Variants in GRTP1 observed in about 807,000 individuals in gnomAD.
GRTP1 encodes growth hormone regulated TBC protein 1.
A neutral mutation model predicts 38.1 loss-of-function variants in GRTP1; 56 were observed. The observed-to-expected ratio is 1.47, with a 90% CI of 1.19 to 1.84. The LOEUF is 1.84. Among genes scored for constraint, GRTP1 ranks in the 40% most tolerant of loss-of-function variants. GRTP1 has a pLI of 0.00. For synonymous variants in GRTP1, 217 were observed against 189.5 expected (o/e 1.14, Z -1.19); for missense variants, 506 against 453.9 (o/e 1.11, Z -1.04).
intron 5 of GRTP1, among the ~76,000 whole-genome samples, chr13:113,339,074 C>T (rs2042993940): frequency 6.6e-6 from 1 of 152,088 alleles, no homozygotes; most frequent in Non-Finnish European, 1.5e-5. Flanking sequence ...GCACCATGCC[C>T]AGCTAATTTT....
intron 5 of GRTP1, among the ~76,000 whole-genome samples, chr13:113,331,118 G>T (rs1250309550): frequency 1.3e-5 from 2 of 152,034 alleles, no homozygotes; most frequent in African/African-American, 4.8e-5. Context: ...GCCCGGGTGT[G>T]TGCACGAAAG....
chr13:113,348,055 C>T lies in GRTP1; in HGVS notation c.465+2794G>A, dbSNP rs1439796247. ...GGCCGAGTGGACCCGGGAGGATCTCCGTGGCTGAGAATGGACCCCTTTGAG... is the reference window on the plus strand; with the variant it reads ...GGCCGAGTGGACCCGGGAGGATCTCTGTGGCTGAGAATGGACCCCTTTGAG... On this transcript the variant is annotated intron_variant, in intron 4 of 7. Transcript: ENST00000375431. This position sits in a 1 kb window ranked among gnomAD's most constrained non-coding sequence, Gnocchi z 4.8. Among the ~76,000 whole-genome samples the T allele has an allele frequency of 2.6e-5, 4 of 151,604 alleles. No individual in the cohort carries two copies. Among genetic ancestry groups the T allele is most frequent in the African/African-American group, 4.8e-5 (2 of 41,266 alleles).
intron 5 of GRTP1, among the ~76,000 whole-genome samples, chr13:113,344,145 T>G (rs562354175): frequency 6.6e-6 from 1 of 152,220 alleles, no homozygotes. Context: ...CTCTTACTAG[T>G]ATTCACAAAC....
At chr13:113,352,378 T>TCA (rs2043303271) in intron 3 of GRTP1, among the ~76,000 whole-genome samples, 1 of 114,696 alleles carries the variant, frequency 8.7e-6, no homozygotes, top group African/African-American at 3.4e-5. Flanking sequence ...ATATATATAT[T>TCA]TATATATATA....
At chr13:113,352,292 TTA>T (rs1491072896) in intron 3 of GRTP1, among the ~76,000 whole-genome samples, 3 of 64,130 alleles carry the variant, frequency 4.7e-5, no homozygotes, top group East Asian at 1.1e-3. Flanking sequence ...TTATATATAT[TTA>T]TATATATTTT....
At chr13:113,346,318 A>G (rs1390514880) in intron 4 of GRTP1, among the ~76,000 whole-genome samples, 3 of 46,500 alleles carry the variant, frequency 6.5e-5, no homozygotes, top group African/African-American at 1.2e-4. Context: ...GGCAGAGAGC[A>G]GACCCGGGAG....
intron 3 of GRTP1, among the ~76,000 whole-genome samples, chr13:113,352,606 G>A (rs2139508748): frequency 6.6e-6 from 1 of 151,956 alleles, no homozygotes; most frequent in African/African-American, 2.4e-5. Context: ...GAACTCCTGA[G>A]CTCAACTAAT....
intron 5 of GRTP1, among the ~76,000 whole-genome samples, chr13:113,344,399 T>C (rs1375893998): frequency 6.6e-6 from 1 of 152,154 alleles, no homozygotes; most frequent in African/African-American, 2.4e-5. Flanking sequence ...CAACTCAATT[T>C]CAAAGAAATT....
At chr13:113,330,500 G>T (rs1201735342) in intron 5 of GRTP1, among the ~76,000 whole-genome samples, 1 of 143,578 alleles carries the variant, frequency 7.0e-6, no homozygotes, top group Non-Finnish European at 1.5e-5. Flanking sequence ...GCCCAGGTGT[G>T]TGCATGGGAG....
chr13:113,329,140 G>C (rs1249866917), intron 5 of GRTP1, among the ~76,000 whole-genome samples: 1 of 152,272 alleles, frequency 6.6e-6, no homozygotes, highest in Non-Finnish European at 1.5e-5. Context: ...TCTTCGGCCA[G>C]TCCCATGTAC....
intron 2 of GRTP1, 89 bp downstream of exon 2, chr13:113,363,673 C>T (rs2043542547): frequency 7.4e-7 from 1 of 1,350,716 alleles, no homozygotes; most frequent in Non-Finnish European, 1.0e-6. Flanking sequence ...CCTCCCCCTC[C>T]CTCCGCTCCG....
chr13:113,331,638 G>A (rs2042872286), intron 5 of GRTP1, among the ~76,000 whole-genome samples: 1 of 137,488 alleles, frequency 7.3e-6, no homozygotes, highest in South Asian at 2.4e-4. Flanking sequence ...TGGTTTTGCT[G>A]TTTGGTTTAC....
rs748095792 is a variant in GRTP1, at chr13:113,364,040, G to C, written c.12C>G (p.Ala4=). MQP[A]ERSRVPRIDP... Reference sequence around the variant, plus strand: ...CACACCTGGGGACCCGCGAGCGCTCGGCGGGCTGCATGCGGGGAGGGAGGC... The same window carrying C: ...CACACCTGGGGACCCGCGAGCGCTCCGCGGGCTGCATGCGGGGAGGGAGGC... The change falls in exon 1 of 8, where the codon GCC becomes GCG. Residue 4 remains alanine, a synonymous_variant. Coordinates refer to ENST00000375431, the MANE Select transcript of GRTP1 (RefSeq NM_024719.4). The C allele has an allele frequency of 1.8e-5, 23 of 1,291,972 alleles. No homozygotes were observed. Among genetic ancestry groups the C allele is most frequent in the South Asian group, 5.8e-5 (2 of 34,654 alleles). 80.0% of individuals were successfully genotyped at this position (1,291,972 alleles called of 1,614,324 possible). A position where few individuals can be genotyped will look rare whatever the true frequency, so the allele number is the denominator to read the frequency against.
intron 2 of GRTP1, among the ~76,000 whole-genome samples, chr13:113,363,092 G>A (rs1362290429): frequency 6.6e-6 from 1 of 152,220 alleles, no homozygotes; most frequent in East Asian, 1.9e-4. Context: ...GAAGCCTGGG[G>A]CGCCCCGGAG....
intron 5 of GRTP1, among the ~76,000 whole-genome samples, chr13:113,337,236 A>G (rs1307643309): frequency 3.3e-5 from 5 of 152,206 alleles, no homozygotes; most frequent in African/African-American, 9.6e-5. Flanking sequence ...CAAAGGCTGC[A>G]GTGAGCTGTG....
intron 2 of GRTP1, among the ~76,000 whole-genome samples, chr13:113,358,016 T>TA (rs372999133): frequency 1.4e-4 from 21 of 151,532 alleles, no homozygotes; most frequent in African/African-American, 3.6e-4. Context: ...CCGTCTCTAC[T>TA]AAAAAAAATA....
At position 113,343,128 on chromosome 13, in the gene GRTP1, G is replaced by A. The variant is rs891023399; in HGVS notation, c.562+1735C>T. ...GGTGAAAAGAACTGCATGGCCCACG[G>A]CTGTGAAGATTCGCCATGATTTGCA... On this transcript the variant is annotated intron_variant, in intron 5 of 7. Transcript: ENST00000375431. This position sits in a 1 kb window ranked among gnomAD's most constrained non-coding sequence, Gnocchi z 4.8. 1.3e-5 allele frequency among the ~76,000 whole-genome samples: 2 copies of A among 152,152 alleles called. No homozygotes were observed. The highest frequency in any genetic ancestry group is 2.4e-5 in the African/African-American group (1 of 41,422).
At chr13:113,351,365 G>A (rs1039699357) in intron 3 of GRTP1, among the ~76,000 whole-genome samples, 1 of 152,242 alleles carries the variant, frequency 6.6e-6, no homozygotes, top group Non-Finnish European at 1.5e-5. Flanking sequence ...CAGGTGGAGA[G>A]AAATGCACAC....
intron 5 of GRTP1, among the ~76,000 whole-genome samples, chr13:113,334,736 C>T (rs2042930380): frequency 6.6e-6 from 1 of 152,202 alleles, no homozygotes; most frequent in Admixed American, 6.5e-5. Flanking sequence ...GTGGGCTCAT[C>T]AGACAGCCGC....
Sources: allele counts gnomAD v4.1 joint callset (sites outside exome capture counted in the v4.1 genomes callset), GRCh38; gene constraint gnomAD v4.1.1; non-coding constraint Gnocchi (gnomAD v3.1); transcripts MANE v1.5; gene names NCBI Gene and HGNC (gene_info 2026-07-23, HGNC 2026-07-21).